COPG1: variants seen among roughly 807,000 people sequenced by gnomAD.
COPG1 encodes coatomer subunit gamma-1.
A neutral mutation model predicts 102.8 loss-of-function variants in COPG1; 29 were observed. That is an observed-to-expected ratio of 0.28 (90% confidence interval 0.21 to 0.38). The LOEUF is 0.38. Ranked by LOEUF, COPG1 falls within the 10% of genes least tolerant of loss-of-function variation. The pLI, the probability that COPG1 is intolerant of heterozygous loss-of-function variation, is 1.00. For missense variants in COPG1, 875 were observed against 1,132.7 expected (o/e 0.77, Z 3.27); for synonymous variants, 406 against 421.6 (o/e 0.96, Z 0.45).
intron 13 of COPG1, 31 bp from the exon 14 acceptor site, chr3:129,265,518 G>C: frequency 6.2e-7 from 1 of 1,611,564 alleles, no homozygotes; most frequent in South Asian, 1.1e-5. Context: ...GAGAGAGCAG[G>C]CTCCTTGCTT....
At chr3:129,255,964 G>A (rs1436207098) in intron 7 of COPG1, 104 bp from the exon 8 acceptor site, 1 of 921,398 alleles carries the variant, frequency 1.1e-6, no homozygotes, top group Non-Finnish European at 1.7e-6. Flanking sequence ...GACCAGGACA[G>A]TGGCGAGCCC....
intron 14 of COPG1, among the ~76,000 whole-genome samples, 187 bp downstream of exon 14, chr3:129,265,979 GT>G (rs200915564): frequency 1.7e-4 from 24 of 144,156 alleles, no homozygotes; most frequent in East Asian, 1.0e-3. Context: ...TTTTTGTTTT[GT>G]TTTTTTTTTT....
chr3:129,250,898 A>G (rs1457460792), intron 2 of COPG1, 164 bp downstream of exon 2: 3 of 338,000 alleles, frequency 8.9e-6, no homozygotes, highest in Non-Finnish European at 1.7e-5. Context: ...GGAGAGAGTT[A>G]GTTATGCTTA....
rs1022679629 is a variant in COPG1, at chr3:129,251,516, G to A, written c.91-765G>A. Among the ~76,000 whole-genome samples the A allele has an allele frequency of 2.3e-4, 35 of 151,722 alleles. 5 individuals carry two copies. Among genetic ancestry groups the A allele is most frequent in the Admixed American group, 9.8e-4 (15 of 15,236 alleles). ...TTCTGTCTCAGCCTCCCAAGTAGCC[G>A]GGACTACAGGCGCACGCCACTATGC... On this transcript the variant is annotated intron_variant, in intron 2 of 23. Coordinates refer to ENST00000314797, the MANE Select transcript of COPG1 (RefSeq NM_016128.4).
At chr3:129,255,175 C>A in intron 7 of COPG1, 98 bp downstream of exon 7, 4 of 760,830 alleles carry the variant, frequency 5.3e-6, no homozygotes, top group Non-Finnish European at 6.3e-6. Flanking sequence ...GTGTTTCTTT[C>A]TTTCTTTTTT....
chr3:129,271,437 G>A lies in COPG1; in HGVS notation c.1844-330G>A, dbSNP rs533388520. On this transcript the variant is annotated intron_variant, in intron 18 of 23. Transcript: ENST00000314797. This position sits in a 1 kb window ranked among gnomAD's most constrained non-coding sequence, Gnocchi z 4.7. ...AAGAATCCTTGCTGCGGTAGGGGGC[G>A]GAAATCCTTGCTAAGCTTCTATAGC... Among the ~76,000 whole-genome samples the A allele has an allele frequency of 2.9e-4, 44 of 152,224 alleles. No homozygotes were observed. The East Asian group carries it at 8.3e-3, about 29-fold the overall frequency.
chr3:129,254,153 C>T (rs181456340), intron 5 of COPG1, among the ~76,000 whole-genome samples: 6 of 152,016 alleles, frequency 3.9e-5, no homozygotes, highest in African/African-American at 9.6e-5. Context: ...AAAAATTAGC[C>T]GGGTATGGTG....
At chr3:129,256,510 A>C (rs1225808388) in intron 8 of COPG1, among the ~76,000 whole-genome samples, 1 of 152,226 alleles carries the variant, frequency 6.6e-6, no homozygotes, top group Non-Finnish European at 1.5e-5. Context: ...GATGTGTGGA[A>C]TTATCTTGAT....
In COPG1 at chr3:129,265,662, C is replaced by T. The variant is rs145266136; in HGVS notation, c.1338C>T (p.Cys446=). ...LSHLCEFIED[C]EFTVLATRIL... ...ATCTGTGCGAGTTCATCGAGGACTGCGAGTTCACAGTGCTGGCCACCCGTA... is the reference window on the plus strand; with the variant it reads ...ATCTGTGCGAGTTCATCGAGGACTGTGAGTTCACAGTGCTGGCCACCCGTA... The change falls in exon 14 of 24, where the codon TGC becomes TGT. Residue 446 remains cysteine (C), a synonymous_variant. Transcript: ENST00000314797. The T allele has an allele frequency of 1.7e-4, 277 of 1,614,184 alleles. No individual in the cohort carries two copies. The highest frequency in any genetic ancestry group is 2.3e-4 in the African/African-American group (17 of 75,044).
chr3:129,270,958 A>T (rs1459697611), intron 18 of COPG1, among the ~76,000 whole-genome samples: 1 of 152,214 alleles, frequency 6.6e-6, no homozygotes, highest in African/African-American at 2.4e-5. Context: ...TAGATTTGGG[A>T]TGGAGTCTGA....
At chr3:129,274,200 AGAG>A (rs1940228390) in intron 21 of COPG1, 5 of 432,138 alleles carry the variant, frequency 1.2e-5, no homozygotes, top group African/African-American at 8.4e-5. Flanking sequence ...AAAAAAAAAG[AGAG>A]AGAGAGCTGG....
intron 18 of COPG1, among the ~76,000 whole-genome samples, chr3:129,270,193 A>G (rs1940158667): frequency 6.6e-6 from 1 of 151,850 alleles, no homozygotes; most frequent in Admixed American, 6.6e-5. Context: ...CATGCAAGGT[A>G]ACATAGCTGC....
intron 15 of COPG1, 143 bp from the exon 16 acceptor site, chr3:129,267,794 T>G: frequency 3.2e-6 from 2 of 634,122 alleles, no homozygotes; most frequent in Non-Finnish European, 5.7e-6. Flanking sequence ...GTGTGGCCTC[T>G]CCTCACTCCC....
rs995166433 is a variant in COPG1, at chr3:129,251,366, ATT to A, written c.90+637_90+638del. Among the ~76,000 whole-genome samples the A allele has an allele frequency of 2.3e-5, 3 of 132,510 alleles. No individual in the cohort carries two copies. In the East Asian group the frequency reaches 6.0e-4, roughly 27 times the overall value. 86.9% of individuals were successfully genotyped at this position (132,510 alleles called of 152,430 possible). A position where few individuals can be genotyped will look rare whatever the true frequency, so the allele number is the denominator to read the frequency against. ...TGACTTGTTTATTTTTATTATATAT[ATT>A]TTTTATATATATATATATATGTATT... On this transcript the variant is annotated intron_variant, in intron 2 of 23. Coordinates refer to ENST00000314797, the MANE Select transcript of COPG1 (RefSeq NM_016128.4).
At chr3:129,257,341 C>A in intron 8 of COPG1, 129 bp from the exon 9 acceptor site, 1 of 925,480 alleles carries the variant, frequency 1.1e-6, no homozygotes, top group Non-Finnish European at 1.7e-6. Context: ...TTGTCACAGC[C>A]ACTCTGTGTG....
chr3:129,251,183 A>G (rs1939688719), intron 2 of COPG1, among the ~76,000 whole-genome samples: 1 of 151,066 alleles, frequency 6.6e-6, no homozygotes, highest in African/African-American at 2.4e-5. Flanking sequence ...TCGGCCTCCC[A>G]AAGTGCTGGG....
At chr3:129,254,837 C>T in intron 6 of COPG1, 94 bp downstream of exon 6, 1 of 1,289,726 alleles carries the variant, frequency 7.8e-7, no homozygotes, top group Non-Finnish European at 1.1e-6. Flanking sequence ...TATCACTGAG[C>T]CAGGTGATGT....
chr3:129,251,524 A>G (rs1939700351), intron 2 of COPG1, among the ~76,000 whole-genome samples: 1 of 151,726 alleles, frequency 6.6e-6, no homozygotes, highest in African/African-American at 2.4e-5. Flanking sequence ...CCGGGACTAC[A>G]GGCGCACGCC....
rs973713147 is a variant in COPG1 at position 129,249,735 on chromosome 3, A to T, written c.26A>T (p.Asp9Val). 1.3e-6 allele frequency: 2 copies of T among 1,551,512 alleles called. No individual in the cohort carries two copies. The highest frequency in any genetic ancestry group is 2.0e-5 in the Admixed American group (1 of 51,000). Residue 9 changes from aspartate (D) to valine (V), a missense_variant, in exon 1 of 24, where the codon GAT (aspartate) becomes GTT (valine). Physicochemically the swap from Asp to Val is radical, Grantham distance 152 (BLOSUM62 -3). Transcript: ENST00000314797. ...ATGTTGAAGAAATTCGACAAGAAGG[A>T]TGAGGAGTCAGGTGAGGGGGCCAGG... The part of the protein sequence containing the change: MLKKFDKK[D>V]EESGGGSNPF...
Sources: allele counts gnomAD v4.1 joint callset (sites outside exome capture counted in the v4.1 genomes callset), GRCh38; gene constraint gnomAD v4.1.1; non-coding constraint Gnocchi (gnomAD v3.1); transcripts MANE v1.5; gene names NCBI Gene and HGNC (gene_info 2026-07-23, HGNC 2026-07-21).